PGPEP1L: variants seen among roughly 807,000 people sequenced by gnomAD.
The protein encoded by PGPEP1L is pyroglutamyl-peptidase I like, also known as pyroglutamyl-peptidase 1-like protein.
In PGPEP1L, 7 loss-of-function variants were observed where a neutral mutation model predicts 6.0. The observed-to-expected ratio is 1.17, with a 90% CI of 0.66 to 2.19. PGPEP1L has a LOEUF of 2.19. Among genes scored for constraint, PGPEP1L ranks in the 30% most tolerant of loss-of-function variants. The probability of loss-of-function intolerance (pLI) is 0.00; values close to 1 mark genes in which losing one functional copy is unlikely to be tolerated. For synonymous variants in PGPEP1L, 103 were observed against 83.9 expected, an observed-to-expected ratio of 1.23 and a Z score of -1.24; for missense variants, 209 against 192.5, an observed-to-expected ratio of 1.09 and a Z score of -0.51.
At chr15:98,991,084 G>A (rs2017813511) in intron 2 of PGPEP1L, among the ~76,000 whole-genome samples, 1 of 152,036 alleles carries the variant, frequency 6.6e-6, no homozygotes, top group Admixed American at 6.6e-5. Context: ...TCAAAAGCTA[G>A]CGGAAGACAA....
At position 98,969,652 on chromosome 15, in the gene PGPEP1L, C is replaced by A. The variant is rs746081875; in HGVS notation, c.-18-1G>T. 15 of 1,610,200 alleles carry A rather than the reference C, an allele frequency of 9.3e-6. No individual in the cohort carries two copies. Among genetic ancestry groups the A allele is most frequent in the Non-Finnish European group, 1.2e-5 (14 of 1,179,848 alleles). On this transcript the variant is annotated splice_acceptor_variant, in intron 3 of 4. Coordinates refer to ENST00000535714, the MANE Select transcript of PGPEP1L (RefSeq NM_001167902.2). LOFTEE classifies it low-confidence loss of function (5UTR_SPLICE). ...TGTCCATGCCCACATGCACGACGAG[C>A]TGTGTGAACGGGTAACAGCAGAGAG...
At chr15:98,976,141 G>A (rs1481380739) in intron 2 of PGPEP1L, among the ~76,000 whole-genome samples, 1 of 152,132 alleles carries the variant, frequency 6.6e-6, no homozygotes, top group Admixed American at 6.5e-5. Context: ...AGACACGATA[G>A]TAATGATAGT....
At chr15:99,006,138 A>T (rs2018056348) in intron 1 of PGPEP1L, among the ~76,000 whole-genome samples, 2 of 152,182 alleles carry the variant, frequency 1.3e-5, no homozygotes, top group Non-Finnish European at 2.9e-5. Flanking sequence ...GTCCTCAGGG[A>T]AGTTAACCTC....
At chr15:99,000,687 G>A (rs2654972) in intron 2 of PGPEP1L, among the ~76,000 whole-genome samples, 1,905 of 152,130 alleles carry the variant, frequency 0.013, 49 homozygotes, top group African/African-American at 0.044. Context: ...AATCTAGTGG[G>A]GAACTTTTGT....
Position 98,969,634 on chromosome 15 carries a change from GC to G in PGPEP1L, c.-2del. 2 of 1,612,100 alleles carry G rather than the reference GC, an allele frequency of 1.2e-6. No homozygotes were observed. On this transcript the variant is annotated 5_prime_UTR_variant, in exon 4 of 5. Transcript: ENST00000535714. Reference sequence around the variant, plus strand: ...TGATCGCCTTGGCGGCGGTGTCCATGCCCACATGCACGACGAGCTGTGTGAA... The same window carrying G: ...TGATCGCCTTGGCGGCGGTGTCCATGCCACATGCACGACGAGCTGTGTGAA...
intron 1 of PGPEP1L, among the ~76,000 whole-genome samples, 160 bp from the exon 2 acceptor site, chr15:99,005,816 C>A (rs1313206728): frequency 1.3e-5 from 2 of 152,166 alleles, no homozygotes; most frequent in Admixed American, 6.5e-5. Flanking sequence ...TACCAGCTGT[C>A]CCGGTTTGCC....
chr15:98,987,003 C>T (rs2017755487), intron 2 of PGPEP1L, among the ~76,000 whole-genome samples: 1 of 151,376 alleles, frequency 6.6e-6, no homozygotes, highest in Non-Finnish European at 1.5e-5. Context: ...CTCGTTTCTA[C>T]TAATAATAGA....
chr15:98,995,770 T>C (rs782526930), intron 2 of PGPEP1L, among the ~76,000 whole-genome samples: 2 of 152,164 alleles, frequency 1.3e-5, no homozygotes, highest in Non-Finnish European at 2.9e-5. Flanking sequence ...AATTTTAGAA[T>C]CTATCACGCC....
intron 2 of PGPEP1L, among the ~76,000 whole-genome samples, chr15:98,987,183 AAAAAAAAAAAAAG>A (rs2017759110): frequency 1.3e-5 from 2 of 150,614 alleles, no homozygotes; most frequent in Admixed American, 6.6e-5. Flanking sequence ...AAAAAAAAAA[AAAAAAAAAAAAAG>A]AGAGCCAATT....
chr15:98,969,616 C>T lies in PGPEP1L; in HGVS notation c.18G>A (p.Lys6=), dbSNP rs1183497647. The T allele has an allele frequency of 5.0e-6, 8 of 1,613,094 alleles. No homozygotes were observed. The Admixed American group carries it at 8.3e-5, about 17-fold the overall frequency. Residue 6 remains lysine (K), a synonymous_variant, in exon 4 of 5, where the codon AAG becomes AAA. Transcript: ENST00000535714. MDTAA[K]AIILEQSGKN... ...TGCCAGACTGTTCCAGAATGATCGC[C>T]TTGGCGGCGGTGTCCATGCCCACAT...
chr15:98,985,685 A>G (rs1030462436), intron 2 of PGPEP1L, among the ~76,000 whole-genome samples: 1 of 152,226 alleles, frequency 6.6e-6, no homozygotes, highest in African/African-American at 2.4e-5. Context: ...CTGAGGTTGG[A>G]ATTCAGGCAC....
intron 2 of PGPEP1L, among the ~76,000 whole-genome samples, chr15:98,985,132 GCACAGGGA>G (rs1254490930): frequency 6.6e-6 from 1 of 152,194 alleles, no homozygotes; most frequent in Non-Finnish European, 1.5e-5. Flanking sequence ...TGAACTCACG[GCACAGGGA>G]CAGCCATGAA....
chr15:98,997,776 A>G (rs1170378377), intron 2 of PGPEP1L, among the ~76,000 whole-genome samples: 2 of 152,078 alleles, frequency 1.3e-5, no homozygotes, highest in African/African-American at 4.8e-5. Context: ...GCTGGGGGAA[A>G]TGACTTTCCC....
Position 99,005,567 on chromosome 15 carries a change from G to C in PGPEP1L, c.-280C>G, listed in dbSNP as rs1355168129. 1 of 152,294 alleles carries C rather than the reference G, an allele frequency of 6.6e-6. No homozygotes were observed. The highest frequency in any genetic ancestry group is 1.5e-5 in the Non-Finnish European group (1 of 68,084). The allele number at this position is 152,294 out of a possible 1,614,324, so 9.4% of individuals were successfully genotyped here. A position where few individuals can be genotyped will look rare whatever the true frequency, so the allele number is the denominator to read the frequency against. On this transcript the variant is annotated 5_prime_UTR_variant, in exon 2 of 5. Transcript: ENST00000535714. ...CCGGGCACCTTCTCTGCCTGGCCGC[G>C]TGCTCGCCGGGGACCGGGGTGGAGC...
Position 98,968,387 on chromosome 15 carries a change from A to T in PGPEP1L, c.*91T>A. 2 of 1,315,838 alleles carry T rather than the reference A, an allele frequency of 1.5e-6. No individual in the cohort carries two copies. Among genetic ancestry groups the T allele is most frequent in the Non-Finnish European group, 2.1e-6 (2 of 944,852 alleles). 81.5% of individuals were successfully genotyped at this position (1,315,838 alleles called of 1,614,324 possible). ...GAGTTTTCCACCCTCTTTGTCTTACAAGCAATTTTTGAAAAAGTTTCTCAA... is the reference window on the plus strand; with the variant it reads ...GAGTTTTCCACCCTCTTTGTCTTACTAGCAATTTTTGAAAAAGTTTCTCAA... On this transcript the variant is annotated 3_prime_UTR_variant, in exon 5 of 5. Transcript: ENST00000535714.
At chr15:99,004,709 T>C (rs1175010678) in intron 2 of PGPEP1L, among the ~76,000 whole-genome samples, 2 of 151,968 alleles carry the variant, frequency 1.3e-5, no homozygotes, top group African/African-American at 4.8e-5. Flanking sequence ...AGAACAAGAC[T>C]CTGTCTCAAA....
chr15:98,978,716 ATATATATATATT>A (rs1399773582), intron 2 of PGPEP1L, among the ~76,000 whole-genome samples: 4 of 38,008 alleles, frequency 1.1e-4, no homozygotes, highest in Non-Finnish European at 1.8e-4. Flanking sequence ...GTATATATAT[ATATATATATATT>A]TTTTTTTTTT....
At chr15:98,991,884 C>G (rs2017824633) in intron 2 of PGPEP1L, among the ~76,000 whole-genome samples, 1 of 152,170 alleles carries the variant, frequency 6.6e-6, no homozygotes, top group African/African-American at 2.4e-5. Flanking sequence ...CAGAAAAGTC[C>G]TTTGACAAAA....
rs534036010 is a variant in PGPEP1L, at chr15:98,980,850, C to G, written c.-141-9692G>C. Among the ~76,000 whole-genome samples, 3 of 151,746 alleles carry G rather than the reference C, an allele frequency of 2.0e-5. No individual in the cohort carries two copies. In the South Asian group the frequency reaches 6.2e-4, roughly 32 times the overall value. On this transcript the variant is annotated intron_variant, in intron 2 of 4. Transcript: ENST00000535714. ...AGGAGGCTGAGCCAGGAGAATTGCT[C>G]GAACCTGGGGGGCAGAGCTTGCACT... is the stretch of plus-strand genomic sequence containing the variant.
Sources: gnomAD v4.1 joint callset for allele counts (sites outside exome capture counted in the v4.1 genomes callset) on GRCh38, gnomAD v4.1.1 for gene constraint, MANE v1.5 for transcripts, NCBI Gene and HGNC (gene_info 2026-07-23, HGNC 2026-07-21) for gene names.